The following CNTNAP5 variants were observed in gnomAD, a reference collection of about 807,000 sequenced individuals.
CNTNAP5 encodes the protein contactin-associated protein-like 5.
A neutral mutation model predicts 150.2 loss-of-function variants in CNTNAP5; 72 were observed. The ratio of observed to expected loss-of-function variants is 0.48; its 90% CI spans 0.40 to 0.58. CNTNAP5 has a LOEUF of 0.58. CNTNAP5 is among the 20% of genes least tolerant of loss of function. The pLI, the probability that CNTNAP5 is intolerant of heterozygous loss-of-function variation, is 0.00. For missense variants in CNTNAP5, 1,636 were observed against 1,626.2 expected (o/e 1.01, Z -0.10); for synonymous variants, 672 against 619.8 (o/e 1.08, Z -1.25).
Position 124,304,620 on chromosome 2 carries a change from A to G in CNTNAP5, c.381+62227A>G, listed in dbSNP as rs78160152. Among the ~76,000 whole-genome samples the G allele has an allele frequency of 2.2e-3, 333 of 152,292 alleles. 1 individual carries two copies. The highest frequency in any genetic ancestry group is 7.7e-3 in the African/African-American group (322 of 41,558). ...CCTTTAAAAAAATAACATTCTGGCT[A>G]CAATGTTGAGAGTCAATTGGAAAGA... On this transcript the variant is annotated intron_variant, in intron 3 of 23. Transcript: ENST00000682447.
At chr2:124,688,683 G>A (rs1401221324) in intron 13 of CNTNAP5, among the ~76,000 whole-genome samples, 1 of 152,024 alleles carries the variant, frequency 6.6e-6, no homozygotes, top group East Asian at 1.9e-4. Flanking sequence ...GGAAGGGGAG[G>A]AATTACAAAG....
intron 1 of CNTNAP5, among the ~76,000 whole-genome samples, chr2:124,215,100 T>C (rs532923840): frequency 6.6e-6 from 1 of 152,266 alleles, no homozygotes; most frequent in East Asian, 1.9e-4. Context: ...TGAGTTGTCA[T>C]GTCTAAGCAC....
intron 19 of CNTNAP5, among the ~76,000 whole-genome samples, chr2:124,864,435 A>G (rs975854344): frequency 1.2e-4 from 18 of 152,066 alleles, no homozygotes; most frequent in African/African-American, 2.4e-5. Flanking sequence ...CTACAGTGCT[A>G]TAGAACACTA....
At chr2:124,179,320 C>T (rs34050859) in intron 1 of CNTNAP5, among the ~76,000 whole-genome samples, 3 of 151,874 alleles carry the variant, frequency 2.0e-5, no homozygotes, top group Non-Finnish European at 2.9e-5. Context: ...CCACCATGCC[C>T]GGCTAATTTT....
intron 1 of CNTNAP5, among the ~76,000 whole-genome samples, chr2:124,115,154 A>AT (rs1185533878): frequency 6.6e-6 from 1 of 151,990 alleles, no homozygotes; most frequent in African/African-American, 2.4e-5. Context: ...ATTATATTTT[A>AT]TTTTTTAAGG....
Position 124,148,572 on chromosome 2 carries a change from A to G in CNTNAP5, c.83-73133A>G, listed in dbSNP as rs140636903. Among the ~76,000 whole-genome samples the G allele has an allele frequency of 2.4e-3, 358 of 147,602 alleles. 5 individuals carry two copies. The highest frequency in any genetic ancestry group is 0.022 in the Middle Eastern group (6 of 278). On this transcript the variant is annotated intron_variant, in intron 1 of 23. Transcript: ENST00000682447. ...TATATAATATGTATATATATAATAT[A>G]TGTTAGGGCCTATTCAGTACATTCA...
chr2:124,800,284 G>T (rs116308318), intron 19 of CNTNAP5, among the ~76,000 whole-genome samples: 2 of 152,140 alleles, frequency 1.3e-5, no homozygotes, highest in East Asian at 1.9e-4. Context: ...AGGCACAATT[G>T]TACCTGTCAG....
chr2:124,314,638 A>G (rs1688919843), intron 3 of CNTNAP5, among the ~76,000 whole-genome samples: 1 of 152,202 alleles, frequency 6.6e-6, no homozygotes, highest in Non-Finnish European at 1.5e-5. Context: ...AATATAATGC[A>G]TGCTTATTTT....
chr2:124,211,910 G>T (rs747351565), intron 1 of CNTNAP5, among the ~76,000 whole-genome samples: 1 of 152,198 alleles, frequency 6.6e-6, no homozygotes, highest in African/African-American at 2.4e-5. Flanking sequence ...CCTGAGAAAC[G>T]AGGATTTTCA....
chr2:124,849,911 G>A (rs1346492021), intron 19 of CNTNAP5, among the ~76,000 whole-genome samples: 1 of 152,142 alleles, frequency 6.6e-6, no homozygotes, highest in Non-Finnish European at 1.5e-5. Flanking sequence ...TGGGGGCTAA[G>A]GAAGGATGTC....
At chr2:124,238,964 G>A (rs541695902) in intron 2 of CNTNAP5, among the ~76,000 whole-genome samples, 5 of 152,122 alleles carry the variant, frequency 3.3e-5, no homozygotes, top group Non-Finnish European at 7.4e-5. Context: ...AAGAGTCCTC[G>A]GCAATTATCA....
At chr2:124,377,493 G>T (rs1215572825) in intron 3 of CNTNAP5, among the ~76,000 whole-genome samples, 1 of 151,952 alleles carries the variant, frequency 6.6e-6, no homozygotes, top group Non-Finnish European at 1.5e-5. Flanking sequence ...TGACCAATAT[G>T]ATGAAACCCT....
In CNTNAP5 at chr2:124,597,881, C is replaced by T. The variant is rs1326983781; in HGVS notation, c.1757-11920C>T. ...TTTCTCTAAACTTCCCTTCTTGCTTCATTTCATTCATTTCATCTTCCATTG... is the reference window on the plus strand; with the variant it reads ...TTTCTCTAAACTTCCCTTCTTGCTTTATTTCATTCATTTCATCTTCCATTG... On this transcript the variant is annotated intron_variant, in intron 11 of 23. Transcript: ENST00000682447. Among the ~76,000 whole-genome samples the T allele has an allele frequency of 4.2e-3, 595 of 140,154 alleles. 4 individuals are homozygous for T. Among genetic ancestry groups the T allele is most frequent in the African/African-American group, 0.016 (569 of 36,380 alleles). 91.9% of individuals were successfully genotyped at this position (140,154 alleles called of 152,430 possible).
At chr2:124,537,909 G>A (rs769443976) in intron 10 of CNTNAP5, among the ~76,000 whole-genome samples, 32 of 152,232 alleles carry the variant, frequency 2.1e-4, no homozygotes, top group South Asian at 6.2e-4. Flanking sequence ...TGGAAAACAC[G>A]GAGGGCTGAG....
chr2:124,750,765 C>T (rs1680706720), intron 14 of CNTNAP5, among the ~76,000 whole-genome samples: 1 of 152,004 alleles, frequency 6.6e-6, no homozygotes, highest in South Asian at 2.1e-4. Flanking sequence ...GTGGGCGGAT[C>T]ACGAGGTCAG....
chr2:124,489,400 A>C (rs1321434694), intron 7 of CNTNAP5, among the ~76,000 whole-genome samples: 3 of 151,932 alleles, frequency 2.0e-5, no homozygotes, highest in African/African-American at 7.3e-5. Flanking sequence ...TCCTAATATC[A>C]TTTTCTTATA....
chr2:124,598,988 C>G (rs1166749898), intron 11 of CNTNAP5, among the ~76,000 whole-genome samples: 6 of 152,018 alleles, frequency 3.9e-5, no homozygotes, highest in Non-Finnish European at 8.8e-5. Context: ...GGCAATGCCT[C>G]GCCCTGCTTC....
In CNTNAP5 at chr2:124,635,079, A is replaced by G. The variant is rs182326394; in HGVS notation, c.1877-12679A>G. Among the ~76,000 whole-genome samples, 533 of 152,326 alleles carry G rather than the reference A, an allele frequency of 3.5e-3. 2 individuals are homozygous for G. The highest frequency in any genetic ancestry group is 4.1e-3 in the Non-Finnish European group (281 of 68,026). On this transcript the variant is annotated intron_variant, in intron 12 of 23. Transcript: ENST00000682447. ...CATTCTTGCACTGCTGTAAGGAAAT[A>G]CTTGAGACTGAGTAATTTATCAGGA...
At position 124,790,119 on chromosome 2, in the gene CNTNAP5, T is replaced by C; in HGVS notation, c.2970T>C (p.Tyr990=). The change falls in exon 18 of 24, where the codon TAT becomes TAC. Residue 990 remains tyrosine, a synonymous_variant. Transcript: ENST00000682447. ...TGTGTGATTGCACCAATTCACCTTA[T>C]GAAGGGCCCTTTTGCAAAAAAGGTA... ...GYLCDCTNSP[Y]EGPFCKKEVS... is the part of the protein sequence containing the mutation. The C allele has an allele frequency of 1.9e-6, 3 of 1,613,718 alleles. No individual in the cohort carries two copies. Among genetic ancestry groups the C allele is most frequent in the Non-Finnish European group, 1.7e-6 (2 of 1,179,710 alleles).
Sources: allele counts gnomAD v4.1 joint callset (sites outside exome capture counted in the v4.1 genomes callset), GRCh38; gene constraint gnomAD v4.1.1; transcripts MANE v1.5; gene names NCBI Gene and HGNC (gene_info 2026-07-23, HGNC 2026-07-21).